GSDMB: variants seen among roughly 807,000 people sequenced by gnomAD.
GSDMB encodes the protein gasdermin-B.
A neutral mutation model predicts 42.9 loss-of-function variants in GSDMB; 32 were observed. The ratio of observed to expected loss-of-function variants is 0.75; its 90% CI spans 0.56 to 1.00. GSDMB has a LOEUF of 1.00. Among genes scored for constraint, GSDMB ranks in the 50% least tolerant of loss-of-function variants. The pLI is 0.00. For synonymous variants in GSDMB, 175 were observed against 193.7 expected (o/e 0.90, Z 0.80); for missense variants, 468 against 498.5 (o/e 0.94, Z 0.58).
rs766474772 is a variant in GSDMB, at chr17:39,906,183, C to T, written c.816G>A (p.Lys272=). The T allele has an allele frequency of 1.2e-6, 2 of 1,614,028 alleles. No homozygotes were observed. Among genetic ancestry groups the T allele is most frequent in the African/African-American group, 2.7e-5 (2 of 74,928 alleles). The part of the protein sequence containing the change: ...ESVLKDLTEE[K]RKDVLNSLAK... ...CGAGGGAGTTTAGCACATCTTTTCT[C>T]TTCTCCTCTGTCAGGTCCTTGAGGA... The change falls in exon 8 of 11, where the codon AAG becomes AAA. Residue 272 remains lysine (K), a synonymous_variant. Coordinates refer to ENST00000418519, the MANE Select transcript of GSDMB (RefSeq NM_001165958.2).
At chr17:39,911,729 G>A (rs2063612549) in intron 3 of GSDMB, among the ~76,000 whole-genome samples, 3 of 152,178 alleles carry the variant, frequency 2.0e-5, no homozygotes, top group Non-Finnish European at 4.4e-5. Flanking sequence ...CCAGTCCAGT[G>A]GGAAAGACGA....
Position 39,909,802 on chromosome 17 carries a change from T to C in GSDMB, c.530A>G (p.Lys177Arg). 6.2e-7 allele frequency: 1 copy of C among 1,614,100 alleles called. No individual in the cohort carries two copies. The highest frequency in any genetic ancestry group is 8.5e-7 in the Non-Finnish European group (1 of 1,180,002). Residue 177 changes from lysine (K) to arginine (R), a missense_variant, in exon 4 of 11, where the codon AAA (lysine) becomes AGA (arginine). Physicochemically the swap from Lys to Arg is conservative, Grantham distance 26. Coordinates refer to ENST00000418519, the MANE Select transcript of GSDMB (RefSeq NM_001165958.2). ...EETLKSDRQY[K>R]FWSQISQGHL... ...GCCCTGAGAGATCTGGCTCCAAAAT[T>C]TATATTGCCGGTCGCTTTTCAGGGT... is the stretch of plus-strand genomic sequence containing the variant.
intron 9 of GSDMB, 74 bp from the exon 10 acceptor site, chr17:39,905,570 G>A: frequency 1.7e-6 from 2 of 1,205,792 alleles, no homozygotes; most frequent in South Asian, 1.3e-5. Context: ...ATCACACCCA[G>A]AACATGTATC....
Sources: gnomAD v4.1 joint callset for allele counts (sites outside exome capture counted in the v4.1 genomes callset) on GRCh38, gnomAD v4.1.1 for gene constraint, MANE v1.5 for transcripts, NCBI Gene and HGNC (gene_info 2026-07-23, HGNC 2026-07-21) for gene names.